CCR6: variants seen among roughly 807,000 people sequenced by gnomAD.
The protein encoded by CCR6 is C-C motif chemokine receptor 6, also known as C-C chemokine receptor type 6.
A neutral mutation model predicts 3.0 loss-of-function variants in CCR6; 2 were observed. That is an observed-to-expected ratio of 0.66 (90% confidence interval 0.27 to 2.07). CCR6 has a LOEUF of 2.07. Among genes scored for constraint, CCR6 ranks in the 30% most tolerant of loss-of-function variants. The pLI is 0.14. For synonymous variants in CCR6, 193 were observed against 184.3 expected, an observed-to-expected ratio of 1.05 and a Z score of -0.38; for missense variants, 322 against 462.8, an observed-to-expected ratio of 0.70 and a Z score of 2.79.
At chr6:167,117,952 T>G (rs904762988), upstream of CCR6, among the ~76,000 whole-genome samples, 3 of 151,838 alleles carry the variant, frequency 2.0e-5, no homozygotes, top group Admixed American at 6.5e-5. Context: ...CTGTTTTTTT[T>G]TTTTTTTTTT....
intron 1 of CCR6, among the ~76,000 whole-genome samples, chr6:167,117,485 C>T (rs373463814): frequency 1.4e-5 from 2 of 138,724 alleles, no homozygotes; most frequent in Admixed American, 1.6e-4. Flanking sequence ...GGCACGATCT[C>T]GACTCACTGC....
rs1306249775 is a variant in CCR6 at position 167,138,881 on chromosome 6, A to T, written c.*1526A>T. 7.2e-6 allele frequency: 1 copy of T among 138,492 alleles called. No homozygotes were observed. The highest frequency in any genetic ancestry group is 1.5e-5 in the Non-Finnish European group (1 of 66,074). 8.6% of individuals were successfully genotyped at this position (138,492 alleles called of 1,614,324 possible). ...GAGGCAGAGGTTGCAGTGAGCCGAG[A>T]TCGTGCCATTGCACTCCAGCCTGGG... On this transcript the variant is annotated 3_prime_UTR_variant, in exon 3 of 3. Transcript: ENST00000341935.
intron 1 of CCR6, among the ~76,000 whole-genome samples, chr6:167,117,415 C>CTTTT (rs35058463): frequency 7.3e-5 from 8 of 109,894 alleles, no homozygotes; most frequent in African/African-American, 1.9e-4. Flanking sequence ...TTTTTTTTTT[C>CTTTT]TTTTTTTTTT....
At chr6:167,121,085 C>T (rs1194233625), upstream of CCR6, 1 of 152,294 alleles carries the variant, frequency 6.6e-6, no homozygotes, top group African/African-American at 2.4e-5. Flanking sequence ...CCATCCACTA[C>T]CTTCCCCTCT....
intron 1 of CCR6, among the ~76,000 whole-genome samples, chr6:167,133,626 A>G (rs1264102369): frequency 6.6e-6 from 1 of 150,902 alleles, no homozygotes; most frequent in African/African-American, 2.4e-5. Flanking sequence ...TGACTTGTCA[A>G]TTTCTCAAAA....
At chr6:167,117,469 C>G (rs375267455) in intron 1 of CCR6, among the ~76,000 whole-genome samples, 1 of 137,240 alleles carries the variant, frequency 7.3e-6, no homozygotes, top group Non-Finnish European at 1.5e-5. Flanking sequence ...CAGGCTGGAG[C>G]GCAGTGGCAC....
upstream of CCR6, among the ~76,000 whole-genome samples, chr6:167,121,254 C>T (rs528206294): frequency 1.1e-4 from 16 of 152,360 alleles, no homozygotes; most frequent in Admixed American, 5.9e-4. Flanking sequence ...TCAGCATCTG[C>T]GTGGCCACAC....
Position 167,136,936 on chromosome 6 carries a change from T to C in CCR6, c.706T>C (p.Phe236Leu), listed in dbSNP as rs56304535. ...PLMFMIFCYT[F>L]IVKTLVQAQN... ...GATGTTCATGATATTTTGTTACACG[T>C]TCATTGTCAAAACCTTGGTGCAAGC... The change falls in exon 3 of 3, where the codon TTC becomes CTC. Residue 236 changes from phenylalanine to leucine, a missense_variant. Transcript: ENST00000341935. The surrounding 1 kb of genome is among the most constrained non-coding windows in gnomAD (Gnocchi z 4.6). 209 of 1,614,190 alleles carry C rather than the reference T, an allele frequency of 1.3e-4. No individual in the cohort carries two copies. Among genetic ancestry groups the C allele is most frequent in the Non-Finnish European group, 1.7e-4 (199 of 1,180,032 alleles).
At position 167,136,091 on chromosome 6, in the gene CCR6, T is replaced by C. The variant is rs1292485428; in HGVS notation, c.-44T>C. ...CCTGTGAGCTGAAGGGGCTGAACCA[T>C]ACACTCCTTTTTCTACAACCAGCTT... On this transcript the variant is annotated 5_prime_UTR_variant, in exon 2 of 3. Coordinates refer to ENST00000341935, the MANE Select transcript of CCR6 (RefSeq NM_031409.4). The surrounding 1 kb of genome is among the most constrained non-coding windows in gnomAD (Gnocchi z 4.6). 3.1e-6 allele frequency: 5 copies of C among 1,611,072 alleles called. No homozygotes were observed. The African/African-American group carries it at 4.0e-5, about 13-fold the overall frequency.
At chr6:167,117,776 T>A (rs1396379527), upstream of CCR6, among the ~76,000 whole-genome samples, 1 of 152,138 alleles carries the variant, frequency 6.6e-6, no homozygotes, top group Admixed American at 6.5e-5. Context: ...GTGGTCTCTA[T>A]TCCCTCAATG....
At chr6:167,121,681 A>G (rs1781589616), upstream of CCR6, among the ~76,000 whole-genome samples, 2 of 152,140 alleles carry the variant, frequency 1.3e-5, no homozygotes, top group Admixed American at 1.3e-4. Flanking sequence ...ACTGGGGAGG[A>G]GCGCCCCAGG....
chr6:167,120,080 T>C (rs986315969), upstream of CCR6, among the ~76,000 whole-genome samples: 4 of 152,250 alleles, frequency 2.6e-5, no homozygotes, highest in African/African-American at 9.6e-5. Context: ...ATCTACCACC[T>C]TGAGTCATGG....
chr6:167,116,169 A>T (rs1161549467), intron 1 of CCR6: 1 of 152,268 alleles, frequency 6.6e-6, no homozygotes, highest in East Asian at 1.9e-4. Context: ...CAACTGCAAG[A>T]AGAGATCACG....
chr6:167,118,526 G>A (rs986375873), upstream of CCR6, among the ~76,000 whole-genome samples: 17 of 152,116 alleles, frequency 1.1e-4, no homozygotes, highest in African/African-American at 3.9e-4. Flanking sequence ...TAAATAAAAA[G>A]TAAGCTTTCA....
chr6:167,114,970 T>C (rs1232073460), intron 1 of CCR6: 1 of 152,272 alleles, frequency 6.6e-6, no homozygotes, highest in Non-Finnish European at 1.5e-5. Flanking sequence ...TTCAGATCTC[T>C]TTCTGGTAGA....
chr6:167,127,449 A>C (rs933823022), intron 1 of CCR6, among the ~76,000 whole-genome samples: 10 of 152,068 alleles, frequency 6.6e-5, no homozygotes, highest in Non-Finnish European at 1.2e-4. Context: ...ATCATTTCCC[A>C]CCCCTGTCTG....
At chr6:167,123,596 A>T (rs1369861177) in intron 1 of CCR6, among the ~76,000 whole-genome samples, 1 of 152,200 alleles carries the variant, frequency 6.6e-6, no homozygotes, top group Non-Finnish European at 1.5e-5. Context: ...AAGCTAAGAA[A>T]TATTTTGGAG....
chr6:167,117,816 G>A (rs953095605), upstream of CCR6, among the ~76,000 whole-genome samples: 5 of 152,042 alleles, frequency 3.3e-5, no homozygotes, highest in Non-Finnish European at 7.3e-5. Context: ...CTTTAGTTAA[G>A]CTCTCACTTG....
At chr6:167,129,045 C>G (rs932813764) in intron 1 of CCR6, among the ~76,000 whole-genome samples, 7 of 152,282 alleles carry the variant, frequency 4.6e-5, no homozygotes, top group Admixed American at 2.0e-4. Context: ...GAACTTGCCT[C>G]CTCTCTTTTT....
Sources: gnomAD v4.1 joint callset for allele counts (sites outside exome capture counted in the v4.1 genomes callset) on GRCh38, gnomAD v4.1.1 for gene constraint, Gnocchi (gnomAD v3.1) non-coding constraint, MANE v1.5 for transcripts, NCBI Gene and HGNC (gene_info 2026-07-23, HGNC 2026-07-21) for gene names.